Variants in SMS observed in about 807,000 individuals in gnomAD.
SMS encodes the protein spermidine aminopropyltransferase.
In SMS, 3 loss-of-function variants were observed where a neutral mutation model predicts 33.0. The observed-to-expected ratio is 0.09, with a 90% confidence interval of 0.04 to 0.23. The LOEUF (loss-of-function observed/expected upper bound fraction) is 0.23. SMS is among the 10% of genes least tolerant of loss of function. The probability of loss-of-function intolerance (pLI) is 1.00; values close to 1 mark genes in which losing one functional copy is unlikely to be tolerated. For missense variants in SMS, 117 were observed against 288.6 expected (o/e 0.41, Z 4.31); for synonymous variants, 103 against 112.2 (o/e 0.92, Z 0.52).
intron 6 of SMS, among the ~76,000 whole-genome samples, chrX:21,978,387 C>A (rs757198559): frequency 1.8e-5 from 2 of 111,219 alleles, no homozygotes; most frequent in African/African-American, 6.6e-5. Flanking sequence ...CCAGCCTGAT[C>A]GACATGGCGA....
chrX:21,965,747 CAAAATAAAAT>C (rs71941598), intron 1 of SMS, among the ~76,000 whole-genome samples: 1,962 of 104,850 alleles, frequency 0.019, 27 homozygotes, highest in Non-Finnish European at 0.031. Flanking sequence ...GACTCTGTCT[CAAAATAAAAT>C]AAAATAAAAT....
intron 9 of SMS, among the ~76,000 whole-genome samples, chrX:21,987,212 G>A (rs1349776930): frequency 9.0e-6 from 1 of 111,648 alleles, no homozygotes; most frequent in African/African-American, 3.3e-5. Context: ...GGTCAGGCTG[G>A]TCTCGAACTC....
intron 1 of SMS, among the ~76,000 whole-genome samples, chrX:21,966,402 C>G (rs28728153): frequency 0.14 from 15,463 of 111,637 alleles, 1,626 homozygotes; most frequent in African/African-American, 0.36. Context: ...GCATTTACCC[C>G]TTATTCTAAG....
At chrX:21,992,248 C>G (rs767560385) in intron 9 of SMS, among the ~76,000 whole-genome samples, 1 of 112,119 alleles carries the variant, frequency 8.9e-6, no homozygotes, top group East Asian at 2.8e-4. Context: ...ATAATGGTGA[C>G]CGTTATTGAG....
At chrX:21,970,588 A>C (rs1157136438) in intron 2 of SMS, among the ~76,000 whole-genome samples, 1 of 109,981 alleles carries the variant, frequency 9.1e-6, no homozygotes, top group Non-Finnish European at 1.9e-5. Context: ...TTTTTTATAG[A>C]GACAGGGTCT....
At chrX:21,981,681 G>A (rs928772178) in intron 7 of SMS, among the ~76,000 whole-genome samples, 2 of 111,584 alleles carry the variant, frequency 1.8e-5, no homozygotes, top group South Asian at 3.7e-4. Flanking sequence ...GTGTGATGCC[G>A]GTATAAGAAG....
intron 8 of SMS, 87 bp from the exon 9 acceptor site, chrX:21,985,057 T>G (rs921082466): frequency 3.4e-6 from 2 of 590,616 alleles, no homozygotes; most frequent in Admixed American, 2.4e-5. Flanking sequence ...TTTCCTCTTT[T>G]GGTATTGAGT....
intron 9 of SMS, among the ~76,000 whole-genome samples, chrX:21,988,662 C>CAAAAAAAAAAAAAAAAAAAAAAAAAA (rs199561897): frequency 1.5e-4 from 10 of 66,136 alleles, no homozygotes; most frequent in Non-Finnish European, 2.3e-4. Context: ...GACTCTGTCT[C>CAAAAAAAAAAAAAAAAAAAAAAAAAA]AAAAAAAAAA....
intron 5 of SMS, 29 bp from the exon 6 acceptor site, chrX:21,977,931 C>T (rs187415825): frequency 7.5e-6 from 9 of 1,201,914 alleles, no homozygotes; most frequent in East Asian, 3.0e-5. Context: ...AAGGTAGACT[C>T]ACCATTTGGA....
At chrX:21,958,621 A>G (rs1923132728) in intron 1 of SMS, among the ~76,000 whole-genome samples, 2 of 112,331 alleles carry the variant, frequency 1.8e-5, no homozygotes, top group Non-Finnish European at 3.8e-5. Flanking sequence ...TCCTCCCCGC[A>G]TTCTTCCCAG....
At chrX:21,979,698 T>C (rs1278258309) in intron 7 of SMS, among the ~76,000 whole-genome samples, 2 of 111,298 alleles carry the variant, frequency 1.8e-5, no homozygotes, top group African/African-American at 6.6e-5. Context: ...GAATGACTTA[T>C]AATCCTTTGT....
intron 9 of SMS, among the ~76,000 whole-genome samples, chrX:21,992,273 A>T: frequency 8.9e-6 from 1 of 112,363 alleles, no homozygotes; most frequent in Non-Finnish European, 1.9e-5. Flanking sequence ...TTTCCTTTGA[A>T]TGAGTTATTT....
At chrX:21,948,530 T>C (rs1202169026) in intron 1 of SMS, among the ~76,000 whole-genome samples, 2 of 108,411 alleles carry the variant, frequency 1.8e-5, no homozygotes, top group African/African-American at 6.8e-5. Context: ...GTATGTAATT[T>C]ACTCCGTTTT....
intron 1 of SMS, among the ~76,000 whole-genome samples, chrX:21,954,659 G>A (rs1315600181): frequency 2.7e-5 from 3 of 111,891 alleles, no homozygotes; most frequent in Non-Finnish European, 5.6e-5. Context: ...CTCTGGTAAA[G>A]CCACAGGAAG....
intron 7 of SMS, among the ~76,000 whole-genome samples, chrX:21,983,244 C>A (rs925356720): frequency 9.1e-6 from 1 of 110,211 alleles, no homozygotes; most frequent in African/African-American, 3.3e-5. Flanking sequence ...TTCACCATGT[C>A]GCCCAGGCTG....
intron 10 of SMS, among the ~76,000 whole-genome samples, chrX:21,993,566 C>A (rs192934641): frequency 8.9e-6 from 1 of 112,077 alleles, no homozygotes; most frequent in Non-Finnish European, 1.9e-5. Context: ...TCCCATCAGG[C>A]TGGGGCAGAG....
chrX:21,958,956 G>A (rs1267910532), intron 1 of SMS, among the ~76,000 whole-genome samples: 1 of 112,958 alleles, frequency 8.9e-6, no homozygotes, highest in Non-Finnish European at 1.9e-5. Flanking sequence ...TTCCTTTTAT[G>A]CCTGAATAGT....
intron 9 of SMS, among the ~76,000 whole-genome samples, chrX:21,987,065 A>C (rs1223880002): frequency 1.0e-5 from 1 of 99,348 alleles, no homozygotes; most frequent in Non-Finnish European, 2.0e-5. Flanking sequence ...GCGCGATCTC[A>C]GCTCACCGCA....
intron 1 of SMS, among the ~76,000 whole-genome samples, chrX:21,944,101 G>T (rs1231237245): frequency 9.0e-6 from 1 of 111,388 alleles, no homozygotes; most frequent in Middle Eastern, 4.3e-3. Flanking sequence ...GCAGCCACCA[G>T]ACCACCAAGA....
Sources: gnomAD v4.1 joint callset for allele counts (sites outside exome capture counted in the v4.1 genomes callset) on GRCh38, gnomAD v4.1.1 for gene constraint, MANE v1.5 for transcripts, NCBI Gene and HGNC (gene_info 2026-07-23, HGNC 2026-07-21) for gene names.